The following SLC25A48 variants were observed in gnomAD, a reference collection of about 807,000 sequenced individuals.
SLC25A48 encodes the protein solute carrier family 25 member 48, also known as CTC-321K16.1.
A neutral mutation model predicts 32.2 loss-of-function variants in SLC25A48; 29 were observed. The observed-to-expected ratio is 0.90, with a 90% CI of 0.67 to 1.23. SLC25A48 has a LOEUF of 1.23. Ranked by LOEUF, SLC25A48 falls within the 50% of genes most tolerant of loss-of-function variation. SLC25A48 has a pLI of 0.00. For synonymous variants in SLC25A48, 164 were observed against 172.3 expected (o/e 0.95, Z 0.38); for missense variants, 399 against 422.7 (o/e 0.94, Z 0.49).
Position 135,640,352 on chromosome 5 carries a change from T to C in SLC25A48, c.-521+5396T>C, listed in dbSNP as rs147811736. Among the ~76,000 whole-genome samples the C allele has an allele frequency of 8.3e-4, 127 of 152,294 alleles. 1 individual carries two copies. The highest frequency in any genetic ancestry group is 2.9e-3 in the African/African-American group (122 of 41,566). ...GAGAGAATGAGGCAGAAAAATACTT[T>C]AAGAAATAATTGGCTCAAAATTTCC... On this transcript the variant is annotated intron_variant, in intron 3 of 10. Coordinates refer to the SLC25A48 transcript ENST00000646290.
At chr5:135,831,742 A>G (rs1274661747), upstream of SLC25A48, among the ~76,000 whole-genome samples, 1 of 152,248 alleles carries the variant, frequency 6.6e-6, no homozygotes, top group Non-Finnish European at 1.5e-5. Flanking sequence ...GCTACACACA[A>G]CACACTGGGG....
intron 3 of SLC25A48, among the ~76,000 whole-genome samples, chr5:135,681,090 A>T (rs1753887154): frequency 6.6e-6 from 1 of 151,944 alleles, no homozygotes; most frequent in Non-Finnish European, 1.5e-5. Context: ...TGTTCAAGTG[A>T]TTCTCCTGCC....
chr5:135,638,355 T>C (rs72789404), intron 3 of SLC25A48, among the ~76,000 whole-genome samples: 4,311 of 152,156 alleles, frequency 0.028, 78 homozygotes, highest in Non-Finnish European at 0.044. Flanking sequence ...TACACTTTAA[T>C]GTGCCAACAA....
intron 4 of SLC25A48, among the ~76,000 whole-genome samples, chr5:135,862,683 C>G (rs1203515366): frequency 6.6e-6 from 1 of 152,080 alleles, no homozygotes; most frequent in African/African-American, 2.4e-5. Context: ...TTTTTTAGTT[C>G]TACGTAGCAT....
chr5:135,722,330 C>G (rs967146488), intron 3 of SLC25A48, among the ~76,000 whole-genome samples: 1 of 152,114 alleles, frequency 6.6e-6, no homozygotes, highest in Non-Finnish European at 1.5e-5. Flanking sequence ...ACTACCTGCC[C>G]CAAGCTTCTT....
At chr5:135,667,168 C>T (rs1241860420) in intron 3 of SLC25A48, among the ~76,000 whole-genome samples, 2 of 152,240 alleles carry the variant, frequency 1.3e-5, no homozygotes, top group East Asian at 3.9e-4. Flanking sequence ...CTGTGCTGCC[C>T]TTGCCTCTGT....
At chr5:135,678,922 G>A (rs1307598007) in intron 3 of SLC25A48, among the ~76,000 whole-genome samples, 2 of 152,150 alleles carry the variant, frequency 1.3e-5, no homozygotes, top group Non-Finnish European at 1.5e-5. Context: ...AGTGGTTACA[G>A]TCACAGGCTG....
intron 3 of SLC25A48, among the ~76,000 whole-genome samples, chr5:135,766,798 A>G (rs1004700862): frequency 6.6e-6 from 1 of 151,602 alleles, no homozygotes; most frequent in Non-Finnish European, 1.5e-5. Context: ...AGAGGGTGAT[A>G]TTACTTCCCA....
chr5:135,850,149 C>A (rs1369607576), intron 2 of SLC25A48, among the ~76,000 whole-genome samples: 1 of 152,164 alleles, frequency 6.6e-6, no homozygotes, highest in African/African-American at 2.4e-5. Flanking sequence ...GGTTTTTGTA[C>A]TCAAGAGGTG....
intron 3 of SLC25A48, among the ~76,000 whole-genome samples, chr5:135,637,358 TC>T (rs1561769145): frequency 6.6e-6 from 1 of 151,838 alleles, no homozygotes; most frequent in Non-Finnish European, 1.5e-5. Flanking sequence ...CTCCTCTTCT[TC>T]CCCCCGACCC....
chr5:135,759,510 T>A (rs1756008731), intron 3 of SLC25A48, among the ~76,000 whole-genome samples: 1 of 152,146 alleles, frequency 6.6e-6, no homozygotes, highest in South Asian at 2.1e-4. Context: ...CGCAGTGAAA[T>A]TCTCCTTCTT....
chr5:135,822,430 T>G (rs10070559), intron 4 of SLC25A48, among the ~76,000 whole-genome samples: 115,443 of 152,050 alleles, frequency 0.76, 44,310 homozygotes, highest in Middle Eastern at 0.86. Flanking sequence ...CTTCTTGGGG[T>G]CTCAGCAGGG....
In SLC25A48 at chr5:135,886,636, T is replaced by TATATAA. The variant is rs1554088462; in HGVS notation, c.*8-1395_*8-1394insTATAAA. 1.2e-3 allele frequency among the ~76,000 whole-genome samples: 35 copies of TATATAA among 30,110 alleles called. 1 individual carries two copies. The highest frequency in any genetic ancestry group is 2.0e-3 in the Admixed American group (6 of 3,002). 19.8% of individuals were successfully genotyped at this position (30,110 alleles called of 152,430 possible). A position where few individuals can be genotyped will look rare whatever the true frequency, so the allele number is the denominator to read the frequency against. On this transcript the variant is annotated intron_variant, in intron 7 of 7. Coordinates refer to ENST00000681962, the MANE Select transcript of SLC25A48 (RefSeq NM_001349336.2). ...ATATATATATATATATATATATATATAAAATATATATATGTGTGTGTGTGT... is the reference window on the plus strand; with the variant it reads ...ATATATATATATATATATATATATATATATAAAAAATATATATATGTGTGTGTGTGT...
chr5:135,844,854 C>T (rs2126712637), intron 2 of SLC25A48, among the ~76,000 whole-genome samples: 1 of 152,296 alleles, frequency 6.6e-6, no homozygotes, highest in South Asian at 2.1e-4. Context: ...GTGGCATGCT[C>T]AGTCCCTGAC....
At chr5:135,851,739 A>G (rs959801090) in intron 3 of SLC25A48, among the ~76,000 whole-genome samples, 1 of 152,006 alleles carries the variant, frequency 6.6e-6, no homozygotes, top group Non-Finnish European at 1.5e-5. Flanking sequence ...CTCACATTTG[A>G]TTTGGCACGC....
chr5:135,617,353 A>C (rs1050785065), intron 1 of SLC25A48, among the ~76,000 whole-genome samples: 3 of 151,720 alleles, frequency 2.0e-5, no homozygotes, highest in Non-Finnish European at 4.4e-5. Flanking sequence ...CTTTTCTTCT[A>C]GGTTACTGTA....
At chr5:135,588,927 C>CA (rs1392484974) in intron 1 of SLC25A48, among the ~76,000 whole-genome samples, 1 of 151,948 alleles carries the variant, frequency 6.6e-6, no homozygotes, top group African/African-American at 2.4e-5. Flanking sequence ...ATTTCACAAA[C>CA]AAAAAAACAA....
At chr5:135,855,192 T>C (rs1285899937) in intron 4 of SLC25A48, among the ~76,000 whole-genome samples, 1 of 152,176 alleles carries the variant, frequency 6.6e-6, no homozygotes, top group Non-Finnish European at 1.5e-5. Context: ...AAATGTGACA[T>C]AGAGATAGGA....
chr5:135,730,226 T>C (rs1474991019), intron 3 of SLC25A48, among the ~76,000 whole-genome samples: 2 of 152,216 alleles, frequency 1.3e-5, no homozygotes, highest in East Asian at 3.8e-4. Flanking sequence ...ATGGTTTGGC[T>C]GTGTCTCCAC....
Sources: gnomAD v4.1 joint callset for allele counts (sites outside exome capture counted in the v4.1 genomes callset) on GRCh38, gnomAD v4.1.1 for gene constraint, MANE v1.5 for transcripts, NCBI Gene and HGNC (gene_info 2026-07-23, HGNC 2026-07-21) for gene names.